The following NEIL3 variants were observed in gnomAD, a reference collection of about 807,000 sequenced individuals.
The protein encoded by NEIL3 is nei like DNA glycosylase 3, also known as endonuclease 8-like 3.
NEIL3 carries 48 observed loss-of-function variants against 57.5 expected under a neutral mutation model. That is an observed-to-expected ratio of 0.83 (90% confidence interval 0.66 to 1.06). The LOEUF (loss-of-function observed/expected upper bound fraction) is 1.06, where lower values mean the gene tolerates loss of function less well. NEIL3 is among the 50% of genes least tolerant of loss of function. The probability of loss-of-function intolerance (pLI) is 0.00; values close to 1 mark genes in which losing one functional copy is unlikely to be tolerated. For missense variants in NEIL3, 717 were observed against 739.1 expected, an observed-to-expected ratio of 0.97 and a Z score of 0.35; for synonymous variants, 261 against 253.2, an observed-to-expected ratio of 1.03 and a Z score of -0.29.
chr4:177,322,715 T>C, intron 2 of NEIL3, 135 bp downstream of exon 2: 1 of 943,074 alleles, frequency 1.1e-6, no homozygotes, highest in South Asian at 1.6e-5. Flanking sequence ...ATATGAGAGG[T>C]TGTGATTCTA....
intron 2 of NEIL3, among the ~76,000 whole-genome samples, chr4:177,325,155 G>A (rs541983967): frequency 2.6e-5 from 4 of 152,012 alleles, no homozygotes; most frequent in Non-Finnish European, 5.9e-5. Flanking sequence ...AATTTATTGG[G>A]GTTTAAGTAT....
At chr4:177,366,043 A>G (rs577219769), downstream of NEIL3, among the ~76,000 whole-genome samples, 2 of 152,356 alleles carry the variant, frequency 1.3e-5, no homozygotes, top group Admixed American at 6.5e-5. Flanking sequence ...TATTATAACT[A>G]TGTTCATTGA....
chr4:177,370,223 G>T, the NEIL3 span, among the ~76,000 whole-genome samples: 1 of 152,284 alleles, frequency 6.6e-6, no homozygotes. Flanking sequence ...GAGAGCCAAA[G>T]CCTCAGATTA....
At chr4:177,334,965 A>T (rs1734947614) in intron 2 of NEIL3, among the ~76,000 whole-genome samples, 1 of 152,144 alleles carries the variant, frequency 6.6e-6, no homozygotes, top group Non-Finnish European at 1.5e-5. Context: ...AAGGTTACGA[A>T]TTTTTCATCG....
chr4:177,346,989 G>A (rs1340904723), intron 6 of NEIL3, among the ~76,000 whole-genome samples: 2 of 140,060 alleles, frequency 1.4e-5, no homozygotes, highest in African/African-American at 5.5e-5. Flanking sequence ...GTAACAGAGC[G>A]AGACTCCGTC....
Position 177,339,831 on chromosome 4 carries a change from C to G in NEIL3, c.676C>G (p.Arg226Gly), listed in dbSNP as rs772522208. The G allele has an allele frequency of 6.2e-7, 1 of 1,613,392 alleles. No homozygotes were observed. Reference sequence around the variant, plus strand: ...GATCCATCACCTCATGAAAATGATACGTGATTTCAGCATTCTCTTTTACAG... The same window carrying G: ...GATCCATCACCTCATGAAAATGATAGGTGATTTCAGCATTCTCTTTTACAG... The part of the protein sequence containing the change: ...EQIHHLMKMI[R>G]DFSILFYRCR... The change falls in exon 5 of 10, where the codon CGT becomes GGT. Residue 226 changes from arginine to glycine, a missense_variant. Transcript: ENST00000264596.
rs186819092 is a variant in NEIL3 at position 177,357,842 on chromosome 4, A to G, written c.1461-2661A>G. On this transcript the variant is annotated intron_variant, in intron 8 of 9. Coordinates refer to ENST00000264596, the MANE Select transcript of NEIL3 (RefSeq NM_018248.3). ...TTTGCCAGCCCCGATCTGTTGTATTAATAGATCACTTATAACCCAGAATTA... is the reference window on the plus strand; with the variant it reads ...TTTGCCAGCCCCGATCTGTTGTATTGATAGATCACTTATAACCCAGAATTA... 4.2e-3 allele frequency among the ~76,000 whole-genome samples: 641 copies of G among 152,346 alleles called. 9 individuals carry two copies. The highest frequency in any genetic ancestry group is 2.5e-3 in the Non-Finnish European group (170 of 68,032).
At chr4:177,338,647 G>A (rs966214896) in intron 4 of NEIL3, among the ~76,000 whole-genome samples, 1 of 152,142 alleles carries the variant, frequency 6.6e-6, no homozygotes, top group Non-Finnish European at 1.5e-5. Flanking sequence ...ATTCTGCAAG[G>A]GTAACACTGA....
At chr4:177,366,481 C>T (rs1464719439), downstream of NEIL3, among the ~76,000 whole-genome samples, 2 of 152,182 alleles carry the variant, frequency 1.3e-5, no homozygotes, top group Non-Finnish European at 2.9e-5. Flanking sequence ...TCACTGCAAC[C>T]TCCGCTTCCT....
Position 177,362,559 on chromosome 4 carries a change from T to G in NEIL3, c.*88T>G. ...TTTCATAGAAAAGTCATAGAATATC[T>G]ATGATACATTGAAAAGTTACTGCAA... On this transcript the variant is annotated 3_prime_UTR_variant, in exon 10 of 10. Transcript: ENST00000264596. The G allele has an allele frequency of 1.0e-6, 1 of 971,250 alleles. No individual in the cohort carries two copies. Among genetic ancestry groups the G allele is most frequent in the Non-Finnish European group, 1.5e-6 (1 of 676,912 alleles). The allele number at this position is 971,250 out of a possible 1,614,324, so 60.2% of individuals were successfully genotyped here.
chr4:177,337,144 A>G (rs532569627), intron 4 of NEIL3, among the ~76,000 whole-genome samples: 1 of 152,250 alleles, frequency 6.6e-6, no homozygotes, highest in South Asian at 2.1e-4. Context: ...AGAAAAGGGA[A>G]TGGTGATGAA....
intron 2 of NEIL3, among the ~76,000 whole-genome samples, chr4:177,332,159 C>G (rs1734896375): frequency 6.6e-6 from 1 of 152,106 alleles, no homozygotes; most frequent in African/African-American, 2.4e-5. Context: ...GGTTGCTGTC[C>G]CTTGCCCTCC....
intron 1 of NEIL3, among the ~76,000 whole-genome samples, chr4:177,322,136 T>A (rs956906221): frequency 2.6e-5 from 4 of 152,232 alleles, no homozygotes; most frequent in African/African-American, 9.6e-5. Context: ...GTTTTTAGTT[T>A]TAGAACATTC....
chr4:177,333,996 A>G (rs1734929771), intron 2 of NEIL3, among the ~76,000 whole-genome samples: 1 of 152,120 alleles, frequency 6.6e-6, no homozygotes, highest in Non-Finnish European at 1.5e-5. Flanking sequence ...GTCTTGGGTA[A>G]CCTTTTGGGT....
chr4:177,315,068 C>CAAAAAAAA (rs61100906), intron 1 of NEIL3, among the ~76,000 whole-genome samples: 1 of 106,476 alleles, frequency 9.4e-6, no homozygotes, highest in East Asian at 2.7e-4. Context: ...GACTCCGTCT[C>CAAAAAAAA]AAAAAAAAAA....
chr4:177,325,757 G>T (rs1226584504), intron 2 of NEIL3, among the ~76,000 whole-genome samples: 1 of 151,976 alleles, frequency 6.6e-6, no homozygotes, highest in African/African-American at 2.4e-5. Flanking sequence ...ATTCTAATAG[G>T]TGTACAGTGT....
intron 3 of NEIL3, 132 bp from the exon 4 acceptor site, chr4:177,335,976 C>A: frequency 9.6e-7 from 1 of 1,040,158 alleles, no homozygotes; most frequent in Non-Finnish European, 1.4e-6. Context: ...TTTGTAAGGT[C>A]TTTGTTGTTT....
At chr4:177,352,518 T>G (rs370814397) in intron 7 of NEIL3, among the ~76,000 whole-genome samples, 1 of 152,186 alleles carries the variant, frequency 6.6e-6, no homozygotes, top group African/African-American at 2.4e-5. Flanking sequence ...TACTCTGTTG[T>G]GAAACATTGT....
rs1735632983 is a variant in NEIL3 at position 177,362,708 on chromosome 4, A to T, written c.*237A>T. The T allele has an allele frequency of 3.0e-6, 1 of 331,432 alleles. No individual in the cohort carries two copies. The highest frequency in any genetic ancestry group is 5.5e-6 in the Non-Finnish European group (1 of 183,048). The allele number at this position is 331,432 out of a possible 1,614,324, so 20.5% of individuals were successfully genotyped here. A position where few individuals can be genotyped will look rare whatever the true frequency, so the allele number is the denominator to read the frequency against. The stretch of plus-strand genomic sequence containing the variant: ...GGATATACAGCATATTCCATTTAGG[A>T]TGTGTATTTAATGCATTTAGTAATG... On this transcript the variant is annotated 3_prime_UTR_variant, in exon 10 of 10. Transcript: ENST00000264596.
Sources: allele counts gnomAD v4.1 joint callset (sites outside exome capture counted in the v4.1 genomes callset), GRCh38; gene constraint gnomAD v4.1.1; transcripts MANE v1.5; gene names NCBI Gene and HGNC (gene_info 2026-07-23, HGNC 2026-07-21).